The following ZNF431 variants were observed in gnomAD, a reference collection of about 807,000 sequenced individuals.
The protein encoded by ZNF431 is zinc finger protein 431.
ZNF431 carries 34 observed loss-of-function variants against 57.0 expected under a neutral mutation model. That is an observed-to-expected ratio of 0.60 (90% CI 0.45 to 0.79). ZNF431 has a LOEUF of 0.79. Ranked by LOEUF, ZNF431 falls within the 30% of genes least tolerant of loss-of-function variation. The pLI is 0.00. For missense variants in ZNF431, 607 were observed against 667.1 expected (o/e 0.91, Z 0.99); for synonymous variants, 207 against 220.3 (o/e 0.94, Z 0.54).
chr19:21,186,381 T>C lies in ZNF431; in HGVS notation c.*2347T>C, dbSNP rs1394271692. ...TACAGACTTTTAGTTTTGATTCATA[T>C]AGAGTTAAATACATGTTAGTCTAAA... On this transcript the variant is annotated 3_prime_UTR_variant, in exon 5 of 5. Transcript: ENST00000311048. The C allele has an allele frequency of 6.6e-6, 1 of 152,240 alleles. No homozygotes were observed. The highest frequency in any genetic ancestry group is 1.5e-5 in the Non-Finnish European group (1 of 68,046). The allele number at this position is 152,240 out of a possible 1,614,324, so 9.4% of individuals were successfully genotyped here.
intron 4 of ZNF431, among the ~76,000 whole-genome samples, chr19:21,170,655 T>G (rs927425447): frequency 2.0e-5 from 3 of 150,676 alleles, no homozygotes; most frequent in African/African-American, 4.9e-5. Flanking sequence ...TCTTTTCTTT[T>G]CTTTTTTTTT....
At chr19:21,166,212 C>A in intron 2 of ZNF431, 123 bp from the exon 3 acceptor site, 1 of 1,386,268 alleles carries the variant, frequency 7.2e-7, no homozygotes, top group Non-Finnish European at 9.6e-7. Context: ...TGGATAATTT[C>A]AGTTATTCTT....
chr19:21,157,519 C>T (rs576441883), intron 2 of ZNF431, among the ~76,000 whole-genome samples: 3 of 151,890 alleles, frequency 2.0e-5, no homozygotes, highest in South Asian at 2.1e-4. Context: ...AGCATCTGTT[C>T]ATGTTTTTTG....
intron 4 of ZNF431, among the ~76,000 whole-genome samples, chr19:21,169,126 G>A (rs1396907447): frequency 6.6e-6 from 1 of 151,282 alleles, no homozygotes; most frequent in Non-Finnish European, 1.5e-5. Context: ...TGTTGGCCAG[G>A]CTGGTCTTGA....
chr19:21,146,426 AAGAAG>A (rs1274714407), intron 2 of ZNF431, among the ~76,000 whole-genome samples: 2 of 150,432 alleles, frequency 1.3e-5, no homozygotes, highest in Non-Finnish European at 3.0e-5. Context: ...AAAAAAAAAA[AAGAAG>A]AAGAAAGAAA....
Position 21,167,652 on chromosome 19 carries a change from T to C in ZNF431, c.305T>C (p.Val102Ala). The C allele has an allele frequency of 1.3e-6, 2 of 1,575,582 alleles. No homozygotes were observed. The highest frequency in any genetic ancestry group is 1.7e-6 in the Non-Finnish European group (2 of 1,159,294). ...TGGAATATGAAGAGACATGAGATGG[T>C]GGATGAACCCCCAGGTAGGTGAGAG... Reference protein sequence around the residue: ...EPWNMKRHEMVDEPPAMCSYF... With the variant: ...EPWNMKRHEMADEPPAMCSYF... The change falls in exon 4 of 5, where the codon GTG becomes GCG. Residue 102 changes from valine (V) to alanine (A), a missense_variant. Transcript: ENST00000311048.
In ZNF431 at chr19:21,184,099, C is replaced by T. The variant is rs1971298768; in HGVS notation, c.*65C>T. 2.1e-6 allele frequency: 3 copies of T among 1,426,680 alleles called. No individual in the cohort carries two copies. Among genetic ancestry groups the T allele is most frequent in the Admixed American group, 2.6e-5 (1 of 38,152 alleles). The allele number at this position is 1,426,680 out of a possible 1,614,324, so 88.4% of individuals were successfully genotyped here. ...GTGCGGTGGCTTATGCAAAATGGCT[C>T]CCAGCATTTTGGGAGGCTGAGGTGG... On this transcript the variant is annotated 3_prime_UTR_variant, in exon 5 of 5. Coordinates refer to ENST00000311048, the MANE Select transcript of ZNF431 (RefSeq NM_133473.4).
In ZNF431 at chr19:21,182,757, G is replaced by A; in HGVS notation, c.454G>A (p.Asp152Asn). 1 of 1,613,966 alleles carries A rather than the reference G, an allele frequency of 6.2e-7. No individual in the cohort carries two copies. The highest frequency in any genetic ancestry group is 8.5e-7 in the Non-Finnish European group (1 of 1,179,898). ...GTTAAGAAAAGGCTCCGCAAGTGTA[G>A]ATGAGTATAAGGTGCACAAAGAAGG... The part of the protein sequence containing the change: ...LQLRKGSASV[D>N]EYKVHKEGYN... The change falls in exon 5 of 5, where the codon GAT becomes AAT. Residue 152 changes from aspartate (D) to asparagine (N), a missense_variant. Physicochemically the swap from Asp to Asn is conservative, Grantham distance 23 (BLOSUM62 1). Coordinates refer to ENST00000311048, the MANE Select transcript of ZNF431 (RefSeq NM_133473.4).
At chr19:21,175,598 C>T in intron 4 of ZNF431, 2 of 519,444 alleles carry the variant, frequency 3.9e-6, no homozygotes, top group Non-Finnish European at 6.8e-6. Context: ...TGACAGACCC[C>T]AGTGTGTGTT....
At chr19:21,149,436 A>G (rs1023825637) in intron 2 of ZNF431, among the ~76,000 whole-genome samples, 4 of 152,212 alleles carry the variant, frequency 2.6e-5, no homozygotes, top group Non-Finnish European at 5.9e-5. Context: ...TTACACTTTT[A>G]ACTTTTCTGA....
At chr19:21,145,478 A>G (rs1970059943) in intron 2 of ZNF431, among the ~76,000 whole-genome samples, 1 of 152,198 alleles carries the variant, frequency 6.6e-6, no homozygotes, top group Non-Finnish European at 1.5e-5. Context: ...CTCCATCTCA[A>G]AAAGAAACAA....
At chr19:21,177,899 A>AAT (rs1406612178) in intron 4 of ZNF431, among the ~76,000 whole-genome samples, 3 of 152,108 alleles carry the variant, frequency 2.0e-5, no homozygotes, top group African/African-American at 7.2e-5. Context: ...GTTTAGTCAG[A>AAT]ATAGCATGGA....
rs144568597 is a variant in ZNF431, at chr19:21,161,732, C to T, written c.97-4603C>T. ...GCAGTGGCGCAATCTAGGCTCACTA[C>T]AACCTCCACCTCCCTGGTTCAAGTG... On this transcript the variant is annotated intron_variant, in intron 2 of 4. Transcript: ENST00000311048. 3.2e-3 allele frequency among the ~76,000 whole-genome samples: 487 copies of T among 152,232 alleles called. 2 individuals are homozygous for T. Among genetic ancestry groups the T allele is most frequent in the Non-Finnish European group, 5.5e-3 (374 of 68,016 alleles).
chr19:21,179,596 T>A (rs947949753), intron 4 of ZNF431, among the ~76,000 whole-genome samples: 4 of 151,054 alleles, frequency 2.6e-5, no homozygotes, highest in Non-Finnish European at 5.9e-5. Flanking sequence ...AGTCTCGCTC[T>A]GACCCCAGGC....
chr19:21,159,453 A>G (rs1179054503), intron 2 of ZNF431, among the ~76,000 whole-genome samples: 1 of 151,156 alleles, frequency 6.6e-6, no homozygotes, highest in Admixed American at 6.6e-5. Flanking sequence ...GCTTACCACA[A>G]CCTCCACCTC....
Position 21,184,202 on chromosome 19 carries a change from T to G in ZNF431, c.*168T>G, listed in dbSNP as rs1041905889. The G allele has an allele frequency of 7.0e-6, 4 of 570,434 alleles. No individual in the cohort carries two copies. In the Admixed American group the frequency reaches 1.1e-4, roughly 15 times the overall value. 35.3% of individuals were successfully genotyped at this position (570,434 alleles called of 1,614,324 possible). ...CTGTCTCTACTAAAAATACAAAAAT[T>G]ATCTGGGTGTGGTGGCACGTGCCTG... On this transcript the variant is annotated 3_prime_UTR_variant, in exon 5 of 5. Coordinates refer to ENST00000311048, the MANE Select transcript of ZNF431 (RefSeq NM_133473.4).
At chr19:21,163,389 TCTAA>T (rs1476761228) in intron 2 of ZNF431, among the ~76,000 whole-genome samples, 1 of 152,222 alleles carries the variant, frequency 6.6e-6, no homozygotes, top group Non-Finnish European at 1.5e-5. Flanking sequence ...GCCCGCTTTC[TCTAA>T]CTACTGCTAA....
At position 21,143,601 on chromosome 19, in the gene ZNF431, TG is replaced by T. The variant is rs756720765; in HGVS notation, c.58del (p.Ala20LeufsTer6). On this transcript the variant is annotated frameshift_variant, in exon 2 of 5. Transcript: ENST00000311048. LOFTEE classifies it high-confidence loss of function. ...YPLKEASGCP[G>X]AERNLLVYSY... ...CTCTCAAGGAAGCAAGTGGATGCCC[TG>T]GGGCTGAGAGGAATCTTCTAGTTTA... 1 of 1,614,044 alleles carries T rather than the reference TG, an allele frequency of 6.2e-7. No individual in the cohort carries two copies. Among genetic ancestry groups the T allele is most frequent in the Admixed American group, 1.7e-5 (1 of 60,024 alleles).
intron 2 of ZNF431, among the ~76,000 whole-genome samples, chr19:21,155,910 C>T (rs1218230257): frequency 6.6e-6 from 1 of 152,106 alleles, no homozygotes; most frequent in African/African-American, 2.4e-5. Flanking sequence ...TTCACACTAC[C>T]TATTGTCTTG....
Sources: allele counts gnomAD v4.1 joint callset (sites outside exome capture counted in the v4.1 genomes callset), GRCh38; gene constraint gnomAD v4.1.1; transcripts MANE v1.5; gene names NCBI Gene and HGNC (gene_info 2026-07-23, HGNC 2026-07-21).